Variants in AHCY observed in about 807,000 individuals in gnomAD.
AHCY encodes the protein S-adenosyl-L-homocysteine hydrolase.
In AHCY, 24 loss-of-function variants were observed where a neutral mutation model predicts 45.4. The ratio of observed to expected loss-of-function variants is 0.53; its 90% confidence interval spans 0.38 to 0.74. The LOEUF (loss-of-function observed/expected upper bound fraction) is 0.74, where lower values mean the gene tolerates loss of function less well. Among genes scored for constraint, AHCY ranks in the 30% least tolerant of loss-of-function variants. AHCY has a pLI of 0.00. For missense variants in AHCY, 449 were observed against 594.1 expected, an observed-to-expected ratio of 0.76 and a Z score of 2.54; for synonymous variants, 245 against 235.1, an observed-to-expected ratio of 1.04 and a Z score of -0.39.
chr20:34,286,000 G>A (rs968507139), intron 8 of AHCY: 3 of 313,528 alleles, frequency 9.6e-6, no homozygotes, highest in African/African-American at 6.6e-5. Context: ...AGCCACTCGG[G>A]AGGCTGAGGC....
At chr20:34,234,666 G>A in the AHCY span, among the ~76,000 whole-genome samples, 1 of 152,072 alleles carries the variant, frequency 6.6e-6, no homozygotes, top group Admixed American at 6.6e-5. Context: ...GCCGGGCGTG[G>A]TGGCAGGCGC....
the AHCY span, among the ~76,000 whole-genome samples, chr20:34,258,700 A>ATATATATATATATATACACATAC: frequency 1.3e-5 from 1 of 77,918 alleles, no homozygotes; most frequent in Non-Finnish European, 2.4e-5. Flanking sequence ...TACATACTAT[A>ATATATATATATATATACACATAC]TATATATATT....
intron 8 of AHCY, among the ~76,000 whole-genome samples, chr20:34,289,082 C>T (rs575474184): frequency 7.0e-4 from 107 of 152,306 alleles, no homozygotes; most frequent in African/African-American, 2.2e-3. Context: ...CGGCTCACTG[C>T]AACCTCTGCC....
At chr20:34,239,853 T>G in the AHCY span, among the ~76,000 whole-genome samples, 1 of 152,160 alleles carries the variant, frequency 6.6e-6, no homozygotes, top group Admixed American at 6.5e-5. Context: ...AAACAGACAA[T>G]GTTTATTGCA....
rs564155481 is a variant in AHCY at position 34,293,888 on chromosome 20, C to A, written c.295+193G>T. 193 of 669,800 alleles carry A rather than the reference C, an allele frequency of 2.9e-4. 4 individuals carry two copies. The South Asian group carries it at 3.0e-3, about 11-fold the overall frequency. 41.5% of individuals were successfully genotyped at this position (669,800 alleles called of 1,614,324 possible). A position where few individuals can be genotyped will look rare whatever the true frequency, so the allele number is the denominator to read the frequency against. On this transcript the variant is annotated intron_variant, in intron 3 of 9. Transcript: ENST00000217426. ...ACACGGCTTGACCTGGGTCAATAAA[C>A]AACTTCCACAGGATTTTAGATGATG...
At chr20:34,260,138 T>C in the AHCY span, among the ~76,000 whole-genome samples, 1 of 151,938 alleles carries the variant, frequency 6.6e-6, no homozygotes, top group African/African-American at 2.4e-5. Flanking sequence ...TTTGCTCCAA[T>C]CTCCTTCTGT....
intron 8 of AHCY, among the ~76,000 whole-genome samples, chr20:34,287,210 C>G (rs911891274): frequency 6.6e-6 from 1 of 152,078 alleles, no homozygotes; most frequent in Non-Finnish European, 1.5e-5. Flanking sequence ...CTCACTGATA[C>G]CCATCTAAGC....
At chr20:34,311,073 T>C (rs1425940387) in intron 1 of AHCY, among the ~76,000 whole-genome samples, 2 of 151,570 alleles carry the variant, frequency 1.3e-5, no homozygotes, top group African/African-American at 4.9e-5. Flanking sequence ...TGAGCCGAGA[T>C]TGTGCCACTG....
the AHCY span, among the ~76,000 whole-genome samples, chr20:34,270,307 T>TC: frequency 6.6e-6 from 1 of 151,626 alleles, no homozygotes; most frequent in Non-Finnish European, 1.5e-5. Flanking sequence ...CAAGGTAGTG[T>TC]CCTGTTCCCT....
chr20:34,260,873 T>A, the AHCY span, among the ~76,000 whole-genome samples: 1 of 152,300 alleles, frequency 6.6e-6, no homozygotes, highest in East Asian at 1.9e-4. Flanking sequence ...CCAGAACATA[T>A]GCAAGTCTGG....
chr20:34,269,182 G>C, the AHCY span: 7 of 1,488,498 alleles, frequency 4.7e-6, no homozygotes, highest in Non-Finnish European at 3.6e-6. Flanking sequence ...CCCCACTCCC[G>C]GCCGCGAGCA....
the AHCY span, among the ~76,000 whole-genome samples, chr20:34,238,176 T>C: frequency 9.2e-5 from 14 of 152,208 alleles, no homozygotes; most frequent in Middle Eastern, 3.2e-3. Flanking sequence ...TGGATGTTTA[T>C]ATTCATATCT....
downstream of AHCY, among the ~76,000 whole-genome samples, chr20:34,278,022 G>A (rs146345768): frequency 5.9e-5 from 9 of 152,294 alleles, no homozygotes; most frequent in Middle Eastern, 3.4e-3. Context: ...AGGACCCTTG[G>A]CCAATTCCTT....
chr20:34,261,804 A>C, the AHCY span, among the ~76,000 whole-genome samples: 1 of 152,076 alleles, frequency 6.6e-6, no homozygotes, highest in Admixed American at 6.6e-5. Context: ...TGACTCAAAA[A>C]AGAAATTTTT....
At chr20:34,264,137 A>G in the AHCY span, among the ~76,000 whole-genome samples, 3 of 152,324 alleles carry the variant, frequency 2.0e-5, no homozygotes, top group African/African-American at 7.2e-5. Flanking sequence ...ATATACATAA[A>G]TCTATTATAA....
At chr20:34,301,116 G>A (rs980547441) in intron 1 of AHCY, among the ~76,000 whole-genome samples, 3 of 152,116 alleles carry the variant, frequency 2.0e-5, no homozygotes, top group Non-Finnish European at 4.4e-5. Flanking sequence ...ATTTACTAAT[G>A]ACCCAGAGAG....
chr20:34,308,666 T>C (rs2036918561), intron 1 of AHCY, among the ~76,000 whole-genome samples: 1 of 152,032 alleles, frequency 6.6e-6, no homozygotes, highest in African/African-American at 2.4e-5. Flanking sequence ...TTTTTTTTTT[T>C]TTTTTGACAC....
At chr20:34,277,331 G>A (rs945920812), downstream of AHCY, among the ~76,000 whole-genome samples, 5 of 152,156 alleles carry the variant, frequency 3.3e-5, no homozygotes, top group African/African-American at 1.2e-4. Context: ...CAAATGCTGG[G>A]TTCTGCTCCA....
chr20:34,253,453 T>G, the AHCY span, among the ~76,000 whole-genome samples: 1 of 147,304 alleles, frequency 6.8e-6, no homozygotes, highest in East Asian at 2.0e-4. Context: ...TTTATTTTAT[T>G]TATTTATTTA....
Sources: gnomAD v4.1 joint callset for allele counts (sites outside exome capture counted in the v4.1 genomes callset) on GRCh38, gnomAD v4.1.1 for gene constraint, MANE v1.5 for transcripts, NCBI Gene and HGNC (gene_info 2026-07-23, HGNC 2026-07-21) for gene names.